ATP6V0A2: variants seen among roughly 807,000 people sequenced by gnomAD.
ATP6V0A2 encodes ATPase H+ transporting V0 subunit a2, also known as V-type proton ATPase 116 kDa subunit a 2.
A neutral mutation model predicts 104.4 loss-of-function variants in ATP6V0A2; 58 were observed. The ratio of observed to expected loss-of-function variants is 0.56; its 90% CI spans 0.45 to 0.69. The LOEUF is 0.69. Ranked by LOEUF, ATP6V0A2 falls within the 30% of genes least tolerant of loss-of-function variation. ATP6V0A2 has a pLI of 0.00. For missense variants in ATP6V0A2, 938 were observed against 1,062.9 expected, an observed-to-expected ratio of 0.88 and a Z score of 1.63; for synonymous variants, 376 against 397.9, an observed-to-expected ratio of 0.95 and a Z score of 0.65.
intron 15 of ATP6V0A2, among the ~76,000 whole-genome samples, chr12:123,749,762 TA>T (rs1247208581): frequency 6.6e-6 from 1 of 152,222 alleles, no homozygotes; most frequent in Admixed American, 6.5e-5. Flanking sequence ...CACCACGTTG[TA>T]AAGTGTCTGT....
chr12:123,747,788 CT>C, intron 14 of ATP6V0A2, 63 bp downstream of exon 14: 1 of 1,116,920 alleles, frequency 9.0e-7, no homozygotes. Context: ...TTCAATTTTG[CT>C]TCTTGTTGGT....
Position 123,712,641 on chromosome 12 carries a change from C to T in ATP6V0A2, c.76C>T (p.Leu26Phe), listed in dbSNP as rs749862652. 1 of 1,609,294 alleles carries T rather than the reference C, an allele frequency of 6.2e-7. No homozygotes were observed. ...GCAGTCGGGCACGGCCTACGAGTGC[C>T]TCAGCGCCCTGGGCGAGAAAGGCCT... ...FLQSGTAYECLSALGEKGLVQ... is the reference protein window; with the variant it reads ...FLQSGTAYECFSALGEKGLVQ... Residue 26 changes from leucine to phenylalanine, a missense_variant, in exon 1 of 20, where the codon CTC (leucine) becomes TTC (phenylalanine). Physicochemically the swap from Leu to Phe is conservative, Grantham distance 22. Transcript: ENST00000330342.
At chr12:123,756,690 G>A in intron 18 of ATP6V0A2, 125 bp from the exon 19 acceptor site, 2 of 982,564 alleles carry the variant, frequency 2.0e-6, no homozygotes, top group South Asian at 2.9e-5. Flanking sequence ...TGTGTTACAT[G>A]TGTGTCTATT....
At chr12:123,736,940 A>G in intron 8 of ATP6V0A2, 119 bp from the exon 9 acceptor site, 1 of 973,056 alleles carries the variant, frequency 1.0e-6, no homozygotes, top group Non-Finnish European at 1.6e-6. Context: ...CAGGATAGGC[A>G]GGTGCCTGGA....
At chr12:123,746,639 TAAAAAAA>T (rs760374381) in intron 13 of ATP6V0A2, among the ~76,000 whole-genome samples, 1 of 83,604 alleles carries the variant, frequency 1.2e-5, no homozygotes, top group Non-Finnish European at 2.3e-5. Flanking sequence ...CCCCTTACCT[TAAAAAAA>T]AAAAAAAAAA....
At position 123,735,673 on chromosome 12, in the gene ATP6V0A2, A is replaced by G. The variant is rs368365258; in HGVS notation, c.825+49A>G. 1.5e-5 allele frequency: 21 copies of G among 1,365,406 alleles called. No homozygotes were observed. The African/African-American group carries it at 2.7e-4, about 18-fold the overall frequency. The allele number at this position is 1,365,406 out of a possible 1,614,324, so 84.6% of individuals were successfully genotyped here. Reference sequence around the variant, plus strand: ...CCTCTTTATCTGAGGGCTGCCAAACATTTACACGTATATTTTCTCTCTTTT... The same window carrying G: ...CCTCTTTATCTGAGGGCTGCCAAACGTTTACACGTATATTTTCTCTCTTTT... On this transcript the variant is annotated intron_variant, in intron 8 of 19. Transcript: ENST00000330342.
chr12:123,725,272 T>G (rs779242196), intron 4 of ATP6V0A2, among the ~76,000 whole-genome samples: 3 of 152,210 alleles, frequency 2.0e-5, no homozygotes, highest in African/African-American at 7.2e-5. Flanking sequence ...TATTTTTCAG[T>G]TGGATTATAT....
At chr12:123,757,218 A>G (rs1956773535) in intron 19 of ATP6V0A2, among the ~76,000 whole-genome samples, 2 of 152,268 alleles carry the variant, frequency 1.3e-5, no homozygotes, top group Admixed American at 6.5e-5. Context: ...AGGCAGGTGG[A>G]TCACGTGAGG....
At chr12:123,722,855 T>A (rs1384036856) in intron 3 of ATP6V0A2, among the ~76,000 whole-genome samples, 1 of 151,762 alleles carries the variant, frequency 6.6e-6, no homozygotes, top group Non-Finnish European at 1.5e-5. Flanking sequence ...GCCTTCACAG[T>A]CCTCCCACAT....
chr12:123,754,186 T>A, intron 17 of ATP6V0A2: 1 of 600,302 alleles, frequency 1.7e-6, no homozygotes, highest in Non-Finnish European at 3.0e-6. Flanking sequence ...GCGGTGGGAG[T>A]GGGGCTGATG....
intron 7 of ATP6V0A2, among the ~76,000 whole-genome samples, chr12:123,735,009 G>A (rs1048580327): frequency 3.9e-5 from 6 of 152,122 alleles, no homozygotes; most frequent in Admixed American, 1.3e-4. Context: ...AAGGTGGTCC[G>A]GGAATGGCTG....
intron 6 of ATP6V0A2, among the ~76,000 whole-genome samples, chr12:123,730,044 CTTTT>C (rs776847603): frequency 1.4e-5 from 1 of 70,284 alleles, no homozygotes; most frequent in Non-Finnish European, 2.6e-5. Context: ...GGAGTTAGGT[CTTTT>C]TTTTTTTTTT....
chr12:123,746,311 G>A (rs1439874149), intron 13 of ATP6V0A2, among the ~76,000 whole-genome samples: 3 of 151,782 alleles, frequency 2.0e-5, no homozygotes, highest in African/African-American at 7.3e-5. Context: ...ATGTGTGTAC[G>A]TTATACATAT....
In ATP6V0A2 at chr12:123,754,381, C is replaced by T. The variant is rs528997493; in HGVS notation, c.2176-39C>T. The T allele has an allele frequency of 3.4e-6, 5 of 1,449,972 alleles. No individual in the cohort carries two copies. The South Asian group carries it at 4.6e-5, about 13-fold the overall frequency. The allele number at this position is 1,449,972 out of a possible 1,614,324, so 89.8% of individuals were successfully genotyped here. On this transcript the variant is annotated intron_variant, in intron 17 of 19. Coordinates refer to ENST00000330342, the MANE Select transcript of ATP6V0A2 (RefSeq NM_012463.4). Reference sequence around the variant, plus strand: ...TTGGCATGTAGAAGTACACATGTAACATCATGACTCTTAACATATGTTGTG... The same window carrying T: ...TTGGCATGTAGAAGTACACATGTAATATCATGACTCTTAACATATGTTGTG...
At position 123,759,072 on chromosome 12, in the gene ATP6V0A2, T is replaced by TA. The variant is rs1956788683; in HGVS notation, c.*1042dup. 6.6e-6 allele frequency: 1 copy of TA among 152,658 alleles called. No homozygotes were observed. The allele number at this position is 152,658 out of a possible 1,614,324, so 9.5% of individuals were successfully genotyped here. ...AAACCCAGTGTGACTGTAGAAGATATAATGCGGACATGATTTGAATTTAGT... is the reference window on the plus strand; with the variant it reads ...AAACCCAGTGTGACTGTAGAAGATATAAATGCGGACATGATTTGAATTTAGT... On this transcript the variant is annotated 3_prime_UTR_variant, in exon 20 of 20. Coordinates refer to ENST00000330342, the MANE Select transcript of ATP6V0A2 (RefSeq NM_012463.4).
At chr12:123,745,018 C>A in intron 13 of ATP6V0A2, 46 bp downstream of exon 13, 1 of 1,574,460 alleles carries the variant, frequency 6.4e-7, no homozygotes, top group Non-Finnish European at 8.7e-7. Flanking sequence ...CTCTGTGGTG[C>A]CACCTAGCTT....
intron 9 of ATP6V0A2, among the ~76,000 whole-genome samples, chr12:123,742,132 C>T (rs1956615649): frequency 6.6e-6 from 1 of 152,216 alleles, no homozygotes; most frequent in Non-Finnish European, 1.5e-5. Flanking sequence ...TGCCCTGCCC[C>T]AACCCCTGCA....
At chr12:123,740,273 G>A (rs575105282) in intron 9 of ATP6V0A2, among the ~76,000 whole-genome samples, 2 of 151,528 alleles carry the variant, frequency 1.3e-5, no homozygotes, top group East Asian at 3.9e-4. Flanking sequence ...CATGATACTG[G>A]CTCACTGTGC....
At chr12:123,750,658 A>G (rs953339915) in intron 15 of ATP6V0A2, 1 of 203,740 alleles carries the variant, frequency 4.9e-6, no homozygotes, top group Non-Finnish European at 1.0e-5. Flanking sequence ...TTTGTTCTGA[A>G]TTCTCTTCCA....
Sources: gnomAD v4.1 joint callset for allele counts (sites outside exome capture counted in the v4.1 genomes callset) on GRCh38, gnomAD v4.1.1 for gene constraint, MANE v1.5 for transcripts, NCBI Gene and HGNC (gene_info 2026-07-23, HGNC 2026-07-21) for gene names.